SNTG2: variants seen among roughly 807,000 people sequenced by gnomAD.
SNTG2 encodes the protein gamma-2-syntrophin.
In SNTG2, 74 loss-of-function variants were observed where a neutral mutation model predicts 70.9. The ratio of observed to expected loss-of-function variants is 1.04; its 90% CI spans 0.86 to 1.27. The LOEUF is 1.27. Among genes scored for constraint, SNTG2 ranks in the 50% most tolerant of loss-of-function variants. SNTG2 has a pLI of 0.00. For synonymous variants in SNTG2, 278 were observed against 273.8 expected, an observed-to-expected ratio of 1.02 and a Z score of -0.15; for missense variants, 717 against 690.7, an observed-to-expected ratio of 1.04 and a Z score of -0.43.
chr2:1,230,228 C>T (rs1319991792), intron 9 of SNTG2, among the ~76,000 whole-genome samples: 2 of 152,230 alleles, frequency 1.3e-5, no homozygotes, highest in African/African-American at 4.8e-5. Context: ...AAACAAAGAT[C>T]AGTGAGCAAA....
intron 9 of SNTG2, among the ~76,000 whole-genome samples, chr2:1,220,418 C>T (rs1213223177): frequency 6.6e-6 from 1 of 152,196 alleles, no homozygotes. Flanking sequence ...CCGCCAGGGA[C>T]CTATGGGACC....
At chr2:953,023 A>C (rs1179379018) in intron 1 of SNTG2, among the ~76,000 whole-genome samples, 1 of 152,196 alleles carries the variant, frequency 6.6e-6, no homozygotes, top group African/African-American at 2.4e-5. Context: ...TCTAAATCTT[A>C]TATTTCTAGT....
chr2:1,131,152 A>G (rs981490667), intron 4 of SNTG2, among the ~76,000 whole-genome samples: 8 of 152,184 alleles, frequency 5.3e-5, no homozygotes, highest in Admixed American at 4.6e-4. Context: ...ACTGTAAGAC[A>G]TTCTGGTCTG....
chr2:1,016,504 G>A (rs1343638068), intron 1 of SNTG2, among the ~76,000 whole-genome samples: 1 of 152,164 alleles, frequency 6.6e-6, no homozygotes, highest in East Asian at 1.9e-4. Context: ...GCCTCCCAAA[G>A]TGCAGGGATT....
chr2:1,159,172 C>A (rs528054183), intron 6 of SNTG2, among the ~76,000 whole-genome samples: 1 of 146,392 alleles, frequency 6.8e-6, no homozygotes, highest in Non-Finnish European at 1.5e-5. Flanking sequence ...TGCATGAGTG[C>A]GTATGTGGAA....
At chr2:1,078,938 G>A (rs962098833) in intron 1 of SNTG2, among the ~76,000 whole-genome samples, 15 of 152,326 alleles carry the variant, frequency 9.8e-5, no homozygotes, top group East Asian at 3.9e-4. Flanking sequence ...TGGGGGAATC[G>A]TTGGATGAGA....
At chr2:1,227,533 G>T (rs10203031) in intron 9 of SNTG2, among the ~76,000 whole-genome samples, 1 of 152,204 alleles carries the variant, frequency 6.6e-6, no homozygotes, top group Non-Finnish European at 1.5e-5. Flanking sequence ...CTTTGAGCTC[G>T]TCCGCTCCGC....
At chr2:1,223,428 C>G (rs1572785955) in intron 9 of SNTG2, among the ~76,000 whole-genome samples, 1 of 152,040 alleles carries the variant, frequency 6.6e-6, no homozygotes, top group Non-Finnish European at 1.5e-5. Context: ...CCTGTCCTGC[C>G]TGCAGCCCGG....
chr2:1,292,385 G>A (rs1334296274), intron 14 of SNTG2, among the ~76,000 whole-genome samples: 1 of 152,082 alleles, frequency 6.6e-6, no homozygotes, highest in Non-Finnish European at 1.5e-5. Flanking sequence ...AGTATTGTGT[G>A]GAATATAATT....
chr2:1,251,130 T>C (rs1183875311), intron 12 of SNTG2, among the ~76,000 whole-genome samples: 2 of 152,198 alleles, frequency 1.3e-5, no homozygotes, highest in Non-Finnish European at 2.9e-5. Context: ...TCTCAAGATT[T>C]CGTAAACCTG....
intron 1 of SNTG2, among the ~76,000 whole-genome samples, chr2:1,027,127 T>C (rs763075335): frequency 1.3e-5 from 2 of 152,000 alleles, no homozygotes; most frequent in Non-Finnish European, 2.9e-5. Flanking sequence ...TAAAAACAGC[T>C]CTCCCCTACA....
intron 1 of SNTG2, among the ~76,000 whole-genome samples, chr2:1,054,152 G>C (rs376612849): frequency 1.1e-4 from 17 of 152,228 alleles, no homozygotes; most frequent in Admixed American, 2.0e-4. Context: ...TGATTCAGAC[G>C]GGCGGACCTG....
chr2:983,771 T>C (rs1239077196), intron 1 of SNTG2, among the ~76,000 whole-genome samples: 3 of 152,084 alleles, frequency 2.0e-5, no homozygotes, highest in Non-Finnish European at 2.9e-5. Flanking sequence ...TAGAGGGAGA[T>C]TAAAAGATCA....
chr2:1,018,425 C>T (rs1659980151), intron 1 of SNTG2, among the ~76,000 whole-genome samples: 1 of 152,070 alleles, frequency 6.6e-6, no homozygotes, highest in East Asian at 1.9e-4. Flanking sequence ...CATGGTGGGC[C>T]CTCCAGGAAT....
chr2:1,339,975 T>C (rs1660002839), intron 16 of SNTG2, among the ~76,000 whole-genome samples: 1 of 152,176 alleles, frequency 6.6e-6, no homozygotes, highest in African/African-American at 2.4e-5. Context: ...CGAACTGAAA[T>C]CAAGCTGGGA....
At chr2:1,306,524 C>T (rs537805758) in intron 14 of SNTG2, among the ~76,000 whole-genome samples, 1 of 152,324 alleles carries the variant, frequency 6.6e-6, no homozygotes, top group East Asian at 1.9e-4. Context: ...TATGCAGCCA[C>T]AGGGCCGAGC....
chr2:1,042,937 A>C (rs1161367412), intron 1 of SNTG2, among the ~76,000 whole-genome samples: 3 of 152,212 alleles, frequency 2.0e-5, no homozygotes, highest in Non-Finnish European at 4.4e-5. Context: ...TAACTTAAGA[A>C]ATCTACAGAC....
At chr2:1,170,047 T>A (rs372858633) in intron 7 of SNTG2, among the ~76,000 whole-genome samples, 1 of 152,160 alleles carries the variant, frequency 6.6e-6, no homozygotes, top group Non-Finnish European at 1.5e-5. Context: ...TCTGACTGCA[T>A]GAAGCAGAAA....
chr2:1,130,059 T>C lies in SNTG2; in HGVS notation c.326-7563T>C, dbSNP rs575576929. Among the ~76,000 whole-genome samples, 7 of 152,302 alleles carry C rather than the reference T, an allele frequency of 4.6e-5. No homozygotes were observed. In the East Asian group the frequency reaches 1.2e-3, roughly 25 times the overall value. On this transcript the variant is annotated intron_variant, in intron 4 of 16. Coordinates refer to ENST00000308624, the MANE Select transcript of SNTG2 (RefSeq NM_018968.4). ...AAAGAACTCATTCATCTTACATTCT[T>C]GGCCAAAAAACTTAAAAGCCATATG...
Sources: gnomAD v4.1 joint callset for allele counts (sites outside exome capture counted in the v4.1 genomes callset) on GRCh38, gnomAD v4.1.1 for gene constraint, MANE v1.5 for transcripts, NCBI Gene and HGNC (gene_info 2026-07-23, HGNC 2026-07-21) for gene names.